DNAJC5: variants seen among roughly 807,000 people sequenced by gnomAD.
The protein encoded by DNAJC5 is dnaJ homolog subfamily C member 5.
DNAJC5 carries 1 observed loss-of-function variant against 23.2 expected under a neutral mutation model. That is an observed-to-expected ratio of 0.04 (90% CI 0.02 to 0.20). The LOEUF is 0.20. Ranked by LOEUF, DNAJC5 falls within the 10% of genes least tolerant of loss-of-function variation. The pLI is 1.00. For missense variants in DNAJC5, 180 were observed against 267.0 expected (o/e 0.67, Z 2.27); for synonymous variants, 136 against 120.0 (o/e 1.13, Z -0.87).
chr20:63,928,267 T>G lies in DNAJC5; in HGVS notation c.-11-68T>G, dbSNP rs2053631852. 3 of 1,290,908 alleles carry G rather than the reference T, an allele frequency of 2.3e-6. No individual in the cohort carries two copies. The allele number at this position is 1,290,908 out of a possible 1,614,324, so 80.0% of individuals were successfully genotyped here. A position where few individuals can be genotyped will look rare whatever the true frequency, so the allele number is the denominator to read the frequency against. ...CTTTGAACGGTCTTATGGAATAAAGTCCATCAGCTCTGCCCTTGGTACTTT... is the reference window on the plus strand; with the variant it reads ...CTTTGAACGGTCTTATGGAATAAAGGCCATCAGCTCTGCCCTTGGTACTTT... On this transcript the variant is annotated intron_variant, in intron 1 of 4. Transcript: ENST00000360864. The surrounding 1 kb of genome is among the most constrained non-coding windows in gnomAD (Gnocchi z 4.6).
At chr20:63,925,720 G>A (rs955644810) in intron 1 of DNAJC5, among the ~76,000 whole-genome samples, 13 of 149,786 alleles carry the variant, frequency 8.7e-5, no homozygotes, top group East Asian at 8.0e-4. Context: ...TCGCGTCACC[G>A]CACTCCAGCC....
At chr20:63,913,078 T>C (rs2053492573) in intron 1 of DNAJC5, among the ~76,000 whole-genome samples, 1 of 152,208 alleles carries the variant, frequency 6.6e-6, no homozygotes, top group Admixed American at 6.5e-5. Flanking sequence ...CTGCCCCGTC[T>C]CCATCTCCCT....
intron 1 of DNAJC5, among the ~76,000 whole-genome samples, chr20:63,926,163 A>G (rs1193386209): frequency 6.6e-6 from 1 of 152,180 alleles, no homozygotes; most frequent in Non-Finnish European, 1.5e-5. Context: ...TAACTTTATT[A>G]ACAGATGCAG....
At chr20:63,930,531 T>C (rs1488610757) in intron 3 of DNAJC5, among the ~76,000 whole-genome samples, 1 of 152,192 alleles carries the variant, frequency 6.6e-6, no homozygotes, top group East Asian at 1.9e-4. Flanking sequence ...GTATTTTTAG[T>C]AGAGACAGGG....
In DNAJC5 at chr20:63,902,717, C is replaced by T. The variant is rs573181055; in HGVS notation, c.-12+7394C>T. ...TTGAGACAGAGTCTTGCTCTGTCGC[C>T]CAGGCTGGAGTGCAGTGACTCAGTC... On this transcript the variant is annotated intron_variant, in intron 1 of 4. Coordinates refer to ENST00000360864, the MANE Select transcript of DNAJC5 (RefSeq NM_025219.3). Among the ~76,000 whole-genome samples the T allele has an allele frequency of 1.7e-3, 239 of 144,668 alleles. 1 individual carries two copies. Among genetic ancestry groups the T allele is most frequent in the Non-Finnish European group, 2.8e-3 (183 of 66,166 alleles). 94.9% of individuals were successfully genotyped at this position (144,668 alleles called of 152,430 possible). A position where few individuals can be genotyped will look rare whatever the true frequency, so the allele number is the denominator to read the frequency against.
intron 1 of DNAJC5, among the ~76,000 whole-genome samples, chr20:63,923,000 G>C (rs1287759385): frequency 2.0e-5 from 3 of 152,006 alleles, no homozygotes; most frequent in Non-Finnish European, 4.4e-5. Context: ...AATTAGCCAG[G>C]CGTGGTGGTA....
chr20:63,922,184 C>G (rs1205348090), intron 1 of DNAJC5, among the ~76,000 whole-genome samples: 1 of 152,012 alleles, frequency 6.6e-6, no homozygotes, highest in Non-Finnish European at 1.5e-5. Context: ...ATAGGCAGTC[C>G]AGGTTGGTGG....
At chr20:63,923,243 A>G (rs376186872) in intron 1 of DNAJC5, among the ~76,000 whole-genome samples, 32 of 151,786 alleles carry the variant, frequency 2.1e-4, no homozygotes, top group African/African-American at 7.7e-4. Context: ...ATCACTTGAG[A>G]CCAGCCTGGG....
rs201031720 is a variant in DNAJC5 at position 63,928,321 on chromosome 20, A to G, written c.-11-14A>G. The G allele has an allele frequency of 3.9e-5, 63 of 1,601,462 alleles. No individual in the cohort carries two copies. The highest frequency in any genetic ancestry group is 5.2e-5 in the Non-Finnish European group (61 of 1,169,942). The stretch of plus-strand genomic sequence containing the variant: ...CTATACTTTGTGATACTTTCTTTTT[A>G]TTTTTTCTTCTAGAATAGCCTAACA... On this transcript the variant is annotated splice_polypyrimidine_tract_variant and intron_variant, in intron 1 of 4. Coordinates refer to ENST00000360864, the MANE Select transcript of DNAJC5 (RefSeq NM_025219.3). The surrounding 1 kb of genome is among the most constrained non-coding windows in gnomAD (Gnocchi z 4.6).
Position 63,930,869 on chromosome 20 carries a change from G to A in DNAJC5, c.340G>A (p.Gly114Ser), listed in dbSNP as rs995618637. The change falls in exon 4 of 5, where the codon GGC becomes AGC. Residue 114 changes from glycine (G) to serine (S), a missense_variant. Coordinates refer to ENST00000360864, the MANE Select transcript of DNAJC5 (RefSeq NM_025219.3). ...WWAKALFVFC[G>S]LLTCCYCCCC... ...CCCCCAGGCCCTGTTTGTCTTCTGC[G>A]GCCTCCTCACGTGCTGCTACTGCTG... 19 of 1,613,122 alleles carry A rather than the reference G, an allele frequency of 1.2e-5. No homozygotes were observed. The highest frequency in any genetic ancestry group is 4.0e-5 in the African/African-American group (3 of 74,896).
intron 1 of DNAJC5, among the ~76,000 whole-genome samples, chr20:63,923,894 A>AT (rs2146297655): frequency 6.6e-6 from 1 of 152,314 alleles, no homozygotes; most frequent in Non-Finnish European, 1.5e-5. Context: ...GTTTTTAAAA[A>AT]TGGAGTTTTT....
intron 1 of DNAJC5, among the ~76,000 whole-genome samples, chr20:63,925,422 G>C (rs1422833462): frequency 6.6e-6 from 1 of 152,190 alleles, no homozygotes; most frequent in African/African-American, 2.4e-5. Context: ...GGCAGAGATT[G>C]CAGTGAACTG....
intron 1 of DNAJC5, among the ~76,000 whole-genome samples, chr20:63,922,422 C>T (rs1403391106): frequency 6.7e-6 from 1 of 148,652 alleles, no homozygotes; most frequent in Admixed American, 6.8e-5. Flanking sequence ...AAGATTGCAC[C>T]ATTGCACTCC....
At position 63,903,264 on chromosome 20, in the gene DNAJC5, C is replaced by G. The variant is rs529924793; in HGVS notation, c.-12+7941C>G. 3.9e-5 allele frequency among the ~76,000 whole-genome samples: 6 copies of G among 152,282 alleles called. No homozygotes were observed. In the East Asian group the frequency reaches 7.7e-4, roughly 20 times the overall value. ...ACAGTCTCAGTAGATTAGAATCACC[C>G]TAACCCTCAGTAACTGAGATTGTAG... On this transcript the variant is annotated intron_variant, in intron 1 of 4. Coordinates refer to ENST00000360864, the MANE Select transcript of DNAJC5 (RefSeq NM_025219.3).
chr20:63,922,418 G>A (rs373190989), intron 1 of DNAJC5, among the ~76,000 whole-genome samples: 26 of 149,858 alleles, frequency 1.7e-4, no homozygotes, highest in East Asian at 7.9e-4. Flanking sequence ...AGCCAAGATT[G>A]CACCATTGCA....
At chr20:63,907,432 G>C (rs1312283777) in intron 1 of DNAJC5, among the ~76,000 whole-genome samples, 1 of 152,198 alleles carries the variant, frequency 6.6e-6, no homozygotes, top group Non-Finnish European at 1.5e-5. Flanking sequence ...CCAGCTCCCA[G>C]ACATACCTTG....
intron 1 of DNAJC5, among the ~76,000 whole-genome samples, chr20:63,908,005 A>G (rs1256607985): frequency 1.3e-5 from 2 of 152,142 alleles, no homozygotes; most frequent in Non-Finnish European, 2.9e-5. Context: ...TGAGCTCGTG[A>G]TCCCCCCACC....
At chr20:63,923,653 A>T (rs899406968) in intron 1 of DNAJC5, among the ~76,000 whole-genome samples, 5 of 152,104 alleles carry the variant, frequency 3.3e-5, no homozygotes, top group Non-Finnish European at 7.4e-5. Context: ...TGAGCCCAGG[A>T]GGTCAAGGTT....
At chr20:63,916,099 A>C (rs1000832328) in intron 1 of DNAJC5, among the ~76,000 whole-genome samples, 2 of 151,970 alleles carry the variant, frequency 1.3e-5, no homozygotes, top group Non-Finnish European at 2.9e-5. Flanking sequence ...ATGCCTGGCT[A>C]ATTATGCCTG....
Sources: gnomAD v4.1 joint callset for allele counts (sites outside exome capture counted in the v4.1 genomes callset) on GRCh38, gnomAD v4.1.1 for gene constraint, Gnocchi (gnomAD v3.1) non-coding constraint, MANE v1.5 for transcripts, NCBI Gene and HGNC (gene_info 2026-07-23, HGNC 2026-07-21) for gene names.